Variants in ALCAM observed in about 807,000 individuals in gnomAD.
The protein encoded by ALCAM is activated leukocyte cell adhesion molecule, also known as CD166 antigen.
A neutral mutation model predicts 70.9 loss-of-function variants in ALCAM; 30 were observed. The observed-to-expected ratio is 0.42, with a 90% confidence interval of 0.32 to 0.57. The LOEUF (loss-of-function observed/expected upper bound fraction) is 0.57, where lower values mean the gene tolerates loss of function less well. Among genes scored for constraint, ALCAM ranks in the 20% least tolerant of loss-of-function variants. The pLI, the probability that ALCAM is intolerant of heterozygous loss-of-function variation, is 0.11. For missense variants in ALCAM, 591 were observed against 695.1 expected, an observed-to-expected ratio of 0.85 and a Z score of 1.68; for synonymous variants, 249 against 242.5, an observed-to-expected ratio of 1.03 and a Z score of -0.25.
At chr3:105,423,230 A>G (rs945798058) in intron 1 of ALCAM, among the ~76,000 whole-genome samples, 2 of 151,250 alleles carry the variant, frequency 1.3e-5, no homozygotes, top group Non-Finnish European at 3.0e-5. Flanking sequence ...TCTTTGAGAA[A>G]TCCTCTCCCT....
chr3:105,568,470 C>G (rs532770044), intron 14 of ALCAM, among the ~76,000 whole-genome samples: 1 of 152,246 alleles, frequency 6.6e-6, no homozygotes, highest in East Asian at 1.9e-4. Context: ...CTAAGCACTT[C>G]TGGCTTGGTG....
chr3:105,453,684 T>C (rs977629394), intron 1 of ALCAM, among the ~76,000 whole-genome samples: 2 of 152,222 alleles, frequency 1.3e-5, no homozygotes, highest in Middle Eastern at 3.2e-3. Context: ...TTCATGATAC[T>C]GATTCTTCCT....
In ALCAM at chr3:105,476,336, C is replaced by T. The variant is rs184242304; in HGVS notation, c.74-43731C>T. 7.1e-4 allele frequency among the ~76,000 whole-genome samples: 108 copies of T among 152,180 alleles called. 1 individual carries two copies. Among genetic ancestry groups the T allele is most frequent in the Non-Finnish European group, 1.3e-3 (87 of 67,966 alleles). ...ATGTTTCCATTCACAACCATGACTACCATTGTTATGTCTGTGTTAATAATG... is the reference window on the plus strand; with the variant it reads ...ATGTTTCCATTCACAACCATGACTATCATTGTTATGTCTGTGTTAATAATG... On this transcript the variant is annotated intron_variant, in intron 1 of 15. Coordinates refer to ENST00000306107, the MANE Select transcript of ALCAM (RefSeq NM_001627.4).
At chr3:105,521,193 C>G (rs1008916659) in intron 2 of ALCAM, among the ~76,000 whole-genome samples, 1 of 147,114 alleles carries the variant, frequency 6.8e-6, no homozygotes, top group East Asian at 2.0e-4. Context: ...CCCAGCTACT[C>G]GGGAGGCTGA....
At chr3:105,513,846 A>T (rs1157598374) in intron 1 of ALCAM, among the ~76,000 whole-genome samples, 5 of 151,992 alleles carry the variant, frequency 3.3e-5, no homozygotes, top group African/African-American at 9.7e-5. Flanking sequence ...ATGTGCGCTT[A>T]TGAATTTGGG....
intron 1 of ALCAM, among the ~76,000 whole-genome samples, chr3:105,410,103 G>A (rs1231696107): frequency 6.6e-6 from 1 of 152,018 alleles, no homozygotes; most frequent in African/African-American, 2.4e-5. Flanking sequence ...AAAAATAGGA[G>A]TACCAACCGG....
intron 15 of ALCAM, 51 bp downstream of exon 15, chr3:105,572,015 A>G (rs1940869540): frequency 6.6e-6 from 7 of 1,062,264 alleles, no homozygotes; most frequent in Non-Finnish European, 9.6e-6. Flanking sequence ...CAAGTAGGAA[A>G]CATCCTTAAA....
chr3:105,540,235 A>T, intron 7 of ALCAM, 133 bp downstream of exon 7: 1 of 886,256 alleles, frequency 1.1e-6, no homozygotes, highest in Non-Finnish European at 1.6e-6. Context: ...TGTCACGTGG[A>T]AGCTTTTTCT....
intron 1 of ALCAM, among the ~76,000 whole-genome samples, chr3:105,506,600 A>G (rs555689962): frequency 6.6e-6 from 1 of 152,296 alleles, no homozygotes; most frequent in South Asian, 2.1e-4. Flanking sequence ...AGGAACAGTG[A>G]ACTTTTTTTT....
chr3:105,411,608 C>T (rs1465222045), intron 1 of ALCAM, among the ~76,000 whole-genome samples: 9 of 152,040 alleles, frequency 5.9e-5, no homozygotes, highest in Non-Finnish European at 1.3e-4. Context: ...GGGTAATTCC[C>T]ATCTTAGGGA....
chr3:105,525,311 T>TGTTACTGTGCAA (rs1386641334), intron 3 of ALCAM: 33 of 981,666 alleles, frequency 3.4e-5, no homozygotes, highest in Non-Finnish European at 3.5e-5. Context: ...ATATAGTTAA[T>TGTTACTGTGCAA]GTTACTGTGC....
At chr3:105,394,071 G>A (rs986624363) in intron 1 of ALCAM, among the ~76,000 whole-genome samples, 15 of 151,944 alleles carry the variant, frequency 9.9e-5, no homozygotes, top group African/African-American at 3.4e-4. Context: ...CAGTATTCAA[G>A]TACTATGGTA....
chr3:105,521,527 A>C (rs992881075), intron 2 of ALCAM, among the ~76,000 whole-genome samples: 1 of 152,196 alleles, frequency 6.6e-6, no homozygotes, highest in African/African-American at 2.4e-5. Context: ...GGTTTAACAC[A>C]GTCTTTTAAA....
chr3:105,396,693 C>A (rs1474463609), intron 1 of ALCAM, among the ~76,000 whole-genome samples: 2 of 151,940 alleles, frequency 1.3e-5, no homozygotes, highest in East Asian at 3.9e-4. Context: ...TCTGTCTGTC[C>A]TTGATGTTCA....
intron 14 of ALCAM, among the ~76,000 whole-genome samples, chr3:105,554,791 C>G (rs1258751566): frequency 6.6e-6 from 1 of 151,854 alleles, no homozygotes; most frequent in African/African-American, 2.4e-5. Flanking sequence ...ATCTTATCCT[C>G]CCTTTATAAT....
intron 1 of ALCAM, among the ~76,000 whole-genome samples, chr3:105,474,098 A>G (rs568569407): frequency 3.3e-5 from 5 of 151,626 alleles, no homozygotes; most frequent in Non-Finnish European, 7.4e-5. Context: ...ATTTGGTTTC[A>G]TTCTCAGTAA....
Position 105,510,659 on chromosome 3 carries a change from G to A in ALCAM, c.74-9408G>A, listed in dbSNP as rs927014939. On this transcript the variant is annotated intron_variant, in intron 1 of 15. Coordinates refer to ENST00000306107, the MANE Select transcript of ALCAM (RefSeq NM_001627.4). ...AGAGCAGGCACATTCCCAGAAGAGG[G>A]GTTCATGTCAGGGTTTAGTAACACT... 5.9e-5 allele frequency among the ~76,000 whole-genome samples: 9 copies of A among 152,162 alleles called. No homozygotes were observed. The South Asian group carries it at 1.0e-3, about 18-fold the overall frequency.
At chr3:105,543,581 C>CT in intron 8 of ALCAM, among the ~76,000 whole-genome samples, 1 of 151,788 alleles carries the variant, frequency 6.6e-6, no homozygotes, top group East Asian at 1.9e-4. Context: ...CCAACCCATT[C>CT]TTGCACATGT....
intron 1 of ALCAM, among the ~76,000 whole-genome samples, chr3:105,415,271 C>A (rs914332240): frequency 2.6e-5 from 4 of 152,082 alleles, no homozygotes; most frequent in African/African-American, 9.7e-5. Context: ...TTAGTTGAGA[C>A]GAAGTGCCTC....
Sources: allele counts gnomAD v4.1 joint callset (sites outside exome capture counted in the v4.1 genomes callset), GRCh38; gene constraint gnomAD v4.1.1; transcripts MANE v1.5; gene names NCBI Gene and HGNC (gene_info 2026-07-23, HGNC 2026-07-21).